The following DLG2 variants were observed in gnomAD, a reference collection of about 807,000 sequenced individuals.
DLG2 encodes the protein discs large MAGUK scaffold protein 2, also known as disks large homolog 2.
Under a neutral mutation model 132.5 loss-of-function variants are expected in DLG2, and 45 were observed. The ratio of observed to expected loss-of-function variants is 0.34; its 90% CI spans 0.27 to 0.44. DLG2 has a LOEUF of 0.44. Ranked by LOEUF, DLG2 falls within the 20% of genes least tolerant of loss-of-function variation. DLG2 has a pLI of 1.00. For synonymous variants in DLG2, 424 were observed against 419.6 expected, an observed-to-expected ratio of 1.01 and a Z score of -0.13; for missense variants, 1,045 against 1,196.9, an observed-to-expected ratio of 0.87 and a Z score of 1.87.
intron 18 of DLG2, among the ~76,000 whole-genome samples, chr11:83,738,596 G>C (rs202217464): frequency 2.0e-5 from 3 of 152,156 alleles, no homozygotes; most frequent in East Asian, 3.8e-4. Context: ...GCTGTGCTCT[G>C]TACAATAAGG....
chr11:83,830,138 T>C (rs1330654813), intron 17 of DLG2, among the ~76,000 whole-genome samples: 2 of 152,228 alleles, frequency 1.3e-5, no homozygotes, highest in African/African-American at 4.8e-5. Flanking sequence ...AAAAAGCAGA[T>C]AATATTTTCC....
intron 4 of DLG2, among the ~76,000 whole-genome samples, chr11:85,225,317 A>G (rs1253211374): frequency 6.6e-6 from 1 of 152,068 alleles, no homozygotes; most frequent in African/African-American, 2.4e-5. Context: ...CATCATGCTC[A>G]TGAAGATCCT....
chr11:84,593,760 A>G (rs1296705289), intron 6 of DLG2, among the ~76,000 whole-genome samples: 1 of 152,220 alleles, frequency 6.6e-6, no homozygotes, highest in African/African-American at 2.4e-5. Context: ...ATAAACGTGC[A>G]GGTTCTGCAC....
chr11:84,894,713 A>G (rs1413615875), intron 6 of DLG2, among the ~76,000 whole-genome samples: 1 of 152,156 alleles, frequency 6.6e-6, no homozygotes, highest in East Asian at 1.9e-4. Flanking sequence ...ATGATACTCT[A>G]TATCACATGG....
At chr11:84,923,642 TC>T in intron 6 of DLG2, 1 of 961,136 alleles carries the variant, frequency 1.0e-6, no homozygotes, top group Non-Finnish European at 1.2e-6. Context: ...TGCACTATAT[TC>T]CAGGCTATTC....
intron 8 of DLG2, among the ~76,000 whole-genome samples, chr11:84,209,575 C>T (rs889636876): frequency 6.6e-6 from 1 of 151,378 alleles, no homozygotes; most frequent in Non-Finnish European, 1.5e-5. Context: ...ATTCTCTTTC[C>T]TATTTTTTTA....
chr11:85,549,312 A>G (rs1223198361), intron 3 of DLG2, among the ~76,000 whole-genome samples: 1 of 151,970 alleles, frequency 6.6e-6, no homozygotes. Context: ...GGCTGCAACC[A>G]CTGTCCAACC....
chr11:84,867,298 C>CT (rs2084721787), intron 6 of DLG2, among the ~76,000 whole-genome samples: 1 of 152,204 alleles, frequency 6.6e-6, no homozygotes, highest in Admixed American at 6.5e-5. Context: ...AGTTACCTCT[C>CT]TGCTAGCCAT....
intron 7 of DLG2, among the ~76,000 whole-genome samples, chr11:84,252,653 T>C (rs984303012): frequency 1.3e-5 from 2 of 152,212 alleles, no homozygotes; most frequent in African/African-American, 2.4e-5. Context: ...AATAAGAGAT[T>C]GCAATCTCTA....
At chr11:85,167,314 T>G (rs1437190265) in intron 4 of DLG2, among the ~76,000 whole-genome samples, 1 of 152,130 alleles carries the variant, frequency 6.6e-6, no homozygotes, top group Non-Finnish European at 1.5e-5. Context: ...GAATGCCTAG[T>G]TTACTTAACT....
chr11:84,193,784 C>T (rs2096460513), intron 8 of DLG2, among the ~76,000 whole-genome samples: 1 of 152,166 alleles, frequency 6.6e-6, no homozygotes, highest in Non-Finnish European at 1.5e-5. Context: ...TAAGAAATAT[C>T]ATCCTTTGTT....
intron 17 of DLG2, among the ~76,000 whole-genome samples, chr11:83,829,203 T>A (rs1364045549): frequency 6.7e-6 from 1 of 149,882 alleles, no homozygotes; most frequent in African/African-American, 2.5e-5. Flanking sequence ...TTAGCTTTTT[T>A]TTTTTTTTTT....
At chr11:84,185,724 T>G (rs1344424615) in intron 8 of DLG2, among the ~76,000 whole-genome samples, 1 of 152,210 alleles carries the variant, frequency 6.6e-6, no homozygotes, top group Admixed American at 6.5e-5. Context: ...TAGATATCTC[T>G]TATTATTTTG....
intron 16 of DLG2, among the ~76,000 whole-genome samples, chr11:83,847,607 T>C (rs2058865949): frequency 6.6e-6 from 1 of 152,194 alleles, no homozygotes; most frequent in Non-Finnish European, 1.5e-5. Flanking sequence ...CTGAGTGTCC[T>C]TGAAAACAGC....
chr11:85,587,171 C>A (rs1030769558), intron 3 of DLG2, among the ~76,000 whole-genome samples: 2 of 152,172 alleles, frequency 1.3e-5, no homozygotes, highest in African/African-American at 4.8e-5. Flanking sequence ...AATGTATATT[C>A]TGCGGTTTTG....
At chr11:83,867,472 C>G (rs1400306) in intron 16 of DLG2, among the ~76,000 whole-genome samples, 100,170 of 151,950 alleles carry the variant, frequency 0.66, 33,223 homozygotes, top group Middle Eastern at 0.82. Flanking sequence ...TTTAATGATA[C>G]AGTACTCTGT....
At chr11:83,554,705 A>C (rs770787754) in intron 19 of DLG2, among the ~76,000 whole-genome samples, 2 of 152,188 alleles carry the variant, frequency 1.3e-5, no homozygotes, top group Non-Finnish European at 2.9e-5. Context: ...TTGGAGCAGA[A>C]GATGTTCCAT....
chr11:84,434,118 C>CAAA (rs201807752), intron 7 of DLG2, among the ~76,000 whole-genome samples: 2 of 86,954 alleles, frequency 2.3e-5, no homozygotes, highest in Admixed American at 1.4e-4. Flanking sequence ...GACTCCATCT[C>CAAA]AAAAAAAAAA....
intron 6 of DLG2, among the ~76,000 whole-genome samples, chr11:84,761,309 T>A (rs2067600864): frequency 6.6e-6 from 1 of 152,206 alleles, no homozygotes; most frequent in Non-Finnish European, 1.5e-5. Flanking sequence ...TGAAGCCAAT[T>A]TGCTAAATGG....
Sources: allele counts gnomAD v4.1 joint callset (sites outside exome capture counted in the v4.1 genomes callset), GRCh38; gene constraint gnomAD v4.1.1; transcripts MANE v1.5; gene names NCBI Gene and HGNC (gene_info 2026-07-23, HGNC 2026-07-21).